FDFT1: variants seen among roughly 807,000 people sequenced by gnomAD.
FDFT1 encodes squalene synthase.
Under a neutral mutation model 46.8 loss-of-function variants are expected in FDFT1, and 68 were observed. The observed-to-expected ratio is 1.45, with a 90% CI of 1.19 to 1.78. FDFT1 has a LOEUF of 1.78. Ranked by LOEUF, FDFT1 falls within the 40% of genes most tolerant of loss-of-function variation. The pLI, the probability that FDFT1 is intolerant of heterozygous loss-of-function variation, is 0.00. For missense variants in FDFT1, 928 were observed against 524.4 expected (o/e 1.77, Z -7.52); for synonymous variants, 351 against 185.1 (o/e 1.90, Z -7.28).
intron 1 of FDFT1, 99 bp from the exon 2 acceptor site, chr8:11,808,695 A>G: frequency 1.4e-6 from 2 of 1,464,604 alleles, no homozygotes; most frequent in South Asian, 2.6e-5. Flanking sequence ...CAGGCTGTGG[A>G]GCCGCCTGCC....
chr8:11,802,650 G>T (rs1296102325), upstream of FDFT1: 4 of 604,572 alleles, frequency 6.6e-6, no homozygotes, highest in Admixed American at 2.8e-5. Flanking sequence ...GCCGCAGCTA[G>T]CCCCGCTGGC....
rs557587371 is a variant in FDFT1, at chr8:11,837,247, T to C, written c.1033-1141T>C. On this transcript the variant is annotated intron_variant, in intron 7 of 7. Coordinates refer to ENST00000220584, the MANE Select transcript of FDFT1 (RefSeq NM_004462.5). ...TTGTTCTTTTGTTTTTGTTTGTTTT[T>C]TGAGACAGGGTCTTGTTCTGTCATC... Among the ~76,000 whole-genome samples, 36 of 152,210 alleles carry C rather than the reference T, an allele frequency of 2.4e-4. 1 individual carries two copies. The South Asian group carries it at 6.8e-3, about 29-fold the overall frequency.
upstream of FDFT1, among the ~76,000 whole-genome samples, chr8:11,801,173 C>T (rs946312271): frequency 6.6e-6 from 1 of 152,088 alleles, no homozygotes; most frequent in Non-Finnish European, 1.5e-5. Context: ...ACAAAAAGTC[C>T]TAGGGCCAGA....
chr8:11,817,440 G>T (rs556180677), intron 3 of FDFT1, among the ~76,000 whole-genome samples: 1 of 152,204 alleles, frequency 6.6e-6, no homozygotes, highest in South Asian at 2.1e-4. Context: ...AGAAGGAATG[G>T]TACCAGCTCC....
upstream of FDFT1, chr8:11,802,420 C>T (rs749683586): frequency 2.2e-6 from 1 of 458,250 alleles, no homozygotes; most frequent in South Asian, 1.5e-5. Context: ...CACCGCCTCA[C>T]CTCCAGTCCC....
chr8:11,838,454 C>A lies in FDFT1; in HGVS notation c.1099C>A (p.Arg367=), dbSNP rs762205085. The change falls in exon 8 of 8, where the codon CGG becomes AGG. Residue 367 remains arginine, a synonymous_variant. Coordinates refer to ENST00000220584, the MANE Select transcript of FDFT1 (RefSeq NM_004462.5). ...SKTRQIISTI[R]TQNLPNCQLI... ...AACAAGGCAGATCATCTCCACCATC[C>A]GGACGCAGAATCTTCCCAACTGTCA... The A allele has an allele frequency of 2.5e-6, 4 of 1,608,486 alleles. No homozygotes were observed. In the South Asian group the frequency reaches 3.3e-5, roughly 13 times the overall value.
chr8:11,796,336 C>T (rs566262434), intron 1 of FDFT1, among the ~76,000 whole-genome samples: 30 of 152,264 alleles, frequency 2.0e-4, no homozygotes, highest in African/African-American at 5.5e-4. Flanking sequence ...TGTGTAGGCC[C>T]AGCCCTTGTG....
chr8:11,829,629 G>C (rs758537895), intron 5 of FDFT1, among the ~76,000 whole-genome samples: 1 of 152,146 alleles, frequency 6.6e-6, no homozygotes, highest in Non-Finnish European at 1.5e-5. Flanking sequence ...GCTCTAACAG[G>C]AGCCTCTTTA....
chr8:11,803,116 G>T (rs1474252946), intron 1 of FDFT1, 185 bp downstream of exon 1: 3 of 1,430,332 alleles, frequency 2.1e-6, no homozygotes, highest in South Asian at 2.9e-5. Context: ...GGCCGTCCTG[G>T]CTGACCTGTC....
At chr8:11,830,782 C>T (rs1226780730) in intron 6 of FDFT1, among the ~76,000 whole-genome samples, 1 of 152,160 alleles carries the variant, frequency 6.6e-6, no homozygotes, top group African/African-American at 2.4e-5. Flanking sequence ...TCATTAAGCA[C>T]CTAATTACTG....
chr8:11,812,368 G>A (rs1020622637), intron 3 of FDFT1, among the ~76,000 whole-genome samples: 1 of 152,238 alleles, frequency 6.6e-6, no homozygotes, highest in Non-Finnish European at 1.5e-5. Flanking sequence ...CAAGGGCTGT[G>A]TTGGGGAGTG....
chr8:11,820,592 C>G (rs1180319754), intron 3 of FDFT1, among the ~76,000 whole-genome samples: 1 of 152,208 alleles, frequency 6.6e-6, no homozygotes, highest in African/African-American at 2.4e-5. Context: ...GGCGCTTCCC[C>G]TCACCAAGCT....
Position 11,826,206 on chromosome 8 carries a change from G to T in FDFT1, c.693G>T (p.Trp231Cys). Residue 231 changes from tryptophan to cysteine, a missense_variant, in exon 5 of 8, where the codon TGG becomes TGT. Transcript: ENST00000220584. ...ACCAGCAAGGAGGAAGAGAGTTCTG[G>T]CCTCAAGAGGTAACAGATTCAGGGT... ...LEDQQGGREF[W>C]PQEVWSRYVK... The T allele has an allele frequency of 6.5e-7, 1 of 1,542,296 alleles. No individual in the cohort carries two copies. The highest frequency in any genetic ancestry group is 8.8e-7 in the Non-Finnish European group (1 of 1,131,338).
chr8:11,831,541 T>C lies in FDFT1; in HGVS notation c.903T>C (p.Ala301=). ...IPQVMAIATL[A]ACYNNQQVFK... is the part of the protein sequence containing the mutation. Reference sequence around the variant, plus strand: ...AGGTGATGGCCATTGCCACTTTGGCTGCCTGTTATAATAACCAGCAGGTGT... The same window carrying C: ...AGGTGATGGCCATTGCCACTTTGGCCGCCTGTTATAATAACCAGCAGGTGT... Residue 301 remains alanine (A), a synonymous_variant, in exon 7 of 8, where the codon GCT becomes GCC. Transcript: ENST00000220584. 6.2e-7 allele frequency: 1 copy of C among 1,614,186 alleles called. No homozygotes were observed. The highest frequency in any genetic ancestry group is 8.5e-7 in the Non-Finnish European group (1 of 1,179,986).
upstream of FDFT1, among the ~76,000 whole-genome samples, chr8:11,801,479 C>T (rs578084369): frequency 3.9e-5 from 6 of 152,078 alleles, no homozygotes; most frequent in Non-Finnish European, 8.8e-5. Context: ...GCCACCATGC[C>T]TGGCTAATTT....
chr8:11,826,510 G>C (rs1193056443), intron 5 of FDFT1, among the ~76,000 whole-genome samples: 1 of 152,140 alleles, frequency 6.6e-6, no homozygotes, highest in South Asian at 2.1e-4. Context: ...TTAACAAAAA[G>C]TTCTTAGGAA....
chr8:11,820,303 C>T (rs998056264), intron 3 of FDFT1, among the ~76,000 whole-genome samples: 1 of 152,176 alleles, frequency 6.6e-6, no homozygotes, highest in African/African-American at 2.4e-5. Context: ...ACATGGGGCT[C>T]AGGGACCCAC....
At chr8:11,807,007 C>T (rs570550665) in intron 1 of FDFT1, among the ~76,000 whole-genome samples, 1 of 124,760 alleles carries the variant, frequency 8.0e-6, no homozygotes, top group Admixed American at 8.7e-5. Context: ...AATACGTATT[C>T]ATGATAGGAA....
At chr8:11,831,713 T>C in intron 7 of FDFT1, 43 bp downstream of exon 7, 1 of 1,491,678 alleles carries the variant, frequency 6.7e-7, no homozygotes, top group East Asian at 2.3e-5. Context: ...TAGCTACTTT[T>C]ATGATTTAGT....
Sources: gnomAD v4.1 joint callset for allele counts (sites outside exome capture counted in the v4.1 genomes callset) on GRCh38, gnomAD v4.1.1 for gene constraint, MANE v1.5 for transcripts, NCBI Gene and HGNC (gene_info 2026-07-23, HGNC 2026-07-21) for gene names.